The following ABCA2 variants were observed in gnomAD, a reference collection of about 807,000 sequenced individuals.
ABCA2 encodes ATP binding cassette subfamily A member 2, also known as ATP-binding cassette sub-family A member 2.
Under a neutral mutation model 262.8 loss-of-function variants are expected in ABCA2, and 84 were observed. The ratio of observed to expected loss-of-function variants is 0.32; its 90% CI spans 0.27 to 0.38. The LOEUF (loss-of-function observed/expected upper bound fraction) is 0.38, where lower values mean the gene tolerates loss of function less well. Among genes scored for constraint, ABCA2 ranks in the 10% least tolerant of loss-of-function variants. The probability of loss-of-function intolerance (pLI) is 1.00; values close to 1 mark genes in which losing one functional copy is unlikely to be tolerated. For synonymous variants in ABCA2, 1,696 were observed against 1,502.9 expected (o/e 1.13, Z -2.97); for missense variants, 2,662 against 3,405.9 (o/e 0.78, Z 5.44).
rs376937660 is a variant in ABCA2 at position 137,012,714 on chromosome 9, G to T, written c.5079C>A (p.His1693Gln). Residue 1693 changes from histidine to glutamine, a missense_variant and splice_region_variant, in exon 31 of 49, where the codon CAC (histidine) becomes CAA (glutamine). Physicochemically the swap from His to Gln is conservative, Grantham distance 24. Coordinates refer to ENST00000341511, the MANE Select transcript of ABCA2 (RefSeq NM_001606.5). ...CACAGCCTCCCCACCCAGCTCACCG[G>T]TGCAGTCGGAAGCGGTCGGAGGTGA... ...LLFTSDRFRL[H>Q]RYGAITFGNV... The T allele has an allele frequency of 1.2e-6, 2 of 1,612,326 alleles. No individual in the cohort carries two copies. The highest frequency in any genetic ancestry group is 2.7e-5 in the African/African-American group (2 of 74,924).
intron 1 of ABCA2, chr9:137,027,707 CCCAGGCCTGCCTTCTGTCCTGGGAA>C (rs1831698495): frequency 6.6e-6 from 1 of 152,266 alleles, no homozygotes; most frequent in Non-Finnish European, 1.5e-5. Context: ...AATGGAGCCC[CCCAGGCCTGCCTTCTGTCCTGGGAA>C]CCAGGGCCTC....
rs745624569 is a variant in ABCA2 at position 137,011,370 on chromosome 9, A to C, written c.5799+37T>G. On this transcript the variant is annotated intron_variant, in intron 37 of 48. Transcript: ENST00000341511. This position sits in a 1 kb window ranked among gnomAD's most constrained non-coding sequence, Gnocchi z 8.8. Reference sequence around the variant, plus strand: ...CCGGGGTGAGGGGCACAGCCTCCGCAGGGTCCGCCACCCCCACCATGTCGT... The same window carrying C: ...CCGGGGTGAGGGGCACAGCCTCCGCCGGGTCCGCCACCCCCACCATGTCGT... The C allele has an allele frequency of 2.5e-6, 4 of 1,606,796 alleles. No homozygotes were observed. The South Asian group carries it at 4.4e-5, about 18-fold the overall frequency.
intron 48 of ABCA2, 127 bp downstream of exon 48, chr9:137,008,289 C>T (rs1588503846): frequency 9.0e-7 from 1 of 1,117,310 alleles, no homozygotes; most frequent in Non-Finnish European, 1.3e-6. Context: ...CCACTCTGCC[C>T]CCTTGACCTC....
At chr9:137,023,416 C>T in intron 3 of ABCA2, 1 of 710,594 alleles carries the variant, frequency 1.4e-6, no homozygotes, top group Non-Finnish European at 2.6e-6. Flanking sequence ...AAAGGACCCC[C>T]TCTGGGCAGT....
intron 2 of ABCA2, 47 bp from the exon 3 acceptor site, chr9:137,023,887 T>C (rs765892360): frequency 5.0e-6 from 5 of 996,266 alleles, no homozygotes; most frequent in African/African-American, 3.2e-5. Flanking sequence ...GGGAGGGGGA[T>C]CAAAACAGAA....
Position 137,011,659 on chromosome 9 carries a change from C to G in ABCA2, c.5626G>C (p.Val1876Leu). Residue 1876 changes from valine (V) to leucine (L), a missense_variant, in exon 36 of 49, where the codon GTC becomes CTC. Transcript: ENST00000341511. The surrounding 1 kb of genome is among the most constrained non-coding windows in gnomAD (Gnocchi z 8.8). ...CCATAGAGCAGGAAGAGGGAGAGGA[C>G]GGCAGGGAAGTTGGTGGGCGACGTG... ...AYTSPTNFPAVLSLFLLYGWS... is the reference protein window; with the variant it reads ...AYTSPTNFPALLSLFLLYGWS... The G allele has an allele frequency of 6.4e-7, 1 of 1,554,236 alleles. No individual in the cohort carries two copies. Among genetic ancestry groups the G allele is most frequent in the Non-Finnish European group, 8.7e-7 (1 of 1,149,414 alleles).
chr9:137,016,953 T>C lies in ABCA2; in HGVS notation c.2725A>G (p.Ile909Val), dbSNP rs1831279108. 2.5e-6 allele frequency: 4 copies of C among 1,612,668 alleles called. No individual in the cohort carries two copies. The highest frequency in any genetic ancestry group is 2.5e-6 in the Non-Finnish European group (3 of 1,179,944). Residue 909 changes from isoleucine (I) to valine (V), a missense_variant, in exon 19 of 49, where the codon ATC (isoleucine) becomes GTC (valine). By Grantham distance (29) the Ile-to-Val change is conservative. Around this residue, in one of 12 missense-constraint regions of ABCA2, gnomAD observed 133 missense variants for 150.8 expected, o/e 0.88. Transcript: ENST00000341511. Reference protein sequence around the residue: ...MLMVDAVVYGILTWYIEAVHP... With the variant: ...MLMVDAVVYGVLTWYIEAVHP... ...ACAGCCTCAATGTACCACGTGAGGA[T>C]GCCATAGACCACGGCGTCCACCATC...
Position 137,022,777 on chromosome 9 carries a change from C to G in ABCA2, c.364G>C (p.Glu122Gln). ...PARPSLGSELEALRQHLEALS... is the reference protein window; with the variant it reads ...PARPSLGSELQALRQHLEALS... ...GCCTCCAGATGCTGGCGTAGGGCCT[C>G]GAGCTCTGAGCCCAGGCTGGGCCGC... The change falls in exon 5 of 49, where the codon GAG (glutamate) becomes CAG (glutamine). Residue 122 changes from glutamate to glutamine, a missense_variant. Physicochemically the swap from Glu to Gln is conservative, Grantham distance 29. Transcript: ENST00000341511. 6.2e-7 allele frequency: 1 copy of G among 1,600,518 alleles called. No homozygotes were observed. The highest frequency in any genetic ancestry group is 1.1e-5 in the South Asian group (1 of 88,710).
At position 137,012,547 on chromosome 9, in the gene ABCA2, C is replaced by A. The variant is rs756252284; in HGVS notation, c.5125G>T (p.Ala1709Ser). Residue 1709 changes from alanine to serine, a missense_variant, in exon 32 of 49, where the codon GCC becomes TCC. By Grantham distance (99) the Ala-to-Ser change is moderately conservative. Around this residue, in one of 12 missense-constraint regions of ABCA2, gnomAD observed 602 missense variants for 897.4 expected, o/e 0.67. Transcript: ENST00000341511. Reference sequence around the variant, plus strand: ...GGTGGGGCCCTGGTGCCAAATGAGGCTGGGATGGACTTCAGGACGTTTCCA... The same window carrying A: ...GGTGGGGCCCTGGTGCCAAATGAGGATGGGATGGACTTCAGGACGTTTCCA... Reference protein sequence around the residue: ...TFGNVLKSIPASFGTRAPPMV... With the variant: ...TFGNVLKSIPSSFGTRAPPMV... 2.5e-6 allele frequency: 4 copies of A among 1,612,052 alleles called. No homozygotes were observed. Among genetic ancestry groups the A allele is most frequent in the Non-Finnish European group, 3.4e-6 (4 of 1,179,898 alleles).
Position 137,013,470 on chromosome 9 carries a change from C to T in ABCA2, c.4541G>A (p.Arg1514His), listed in dbSNP as rs371050470. The change falls in exon 29 of 49, where the codon CGC (arginine) becomes CAC (histidine). Residue 1514 changes from arginine to histidine, a missense_variant. Transcript: ENST00000341511. The stretch of plus-strand genomic sequence containing the variant: ...CCGCTGGAGGCCTCACCGGTACTCG[C>T]GGCGCTCCTCGTTGGCGTAGGGGAT... ...NFIPYANEERREYRLRLSPDA... is the reference protein window; with the variant it reads ...NFIPYANEERHEYRLRLSPDA... 147 of 1,605,794 alleles carry T rather than the reference C, an allele frequency of 9.2e-5. No individual in the cohort carries two copies. The highest frequency in any genetic ancestry group is 1.1e-4 in the Non-Finnish European group (133 of 1,177,904).
rs771892027 is a variant in ABCA2 at position 137,011,270 on chromosome 9, G to A, written c.5839C>T (p.Leu1947Phe). 3 of 1,612,462 alleles carry A rather than the reference G, an allele frequency of 1.9e-6. No homozygotes were observed. The highest frequency in any genetic ancestry group is 3.3e-5 in the Admixed American group (2 of 59,990). ...VVNSYLKSCF[L>F]IFPNYNLGHG... The stretch of plus-strand genomic sequence containing the variant: ...CCCAGGTTGTAGTTGGGGAAAATGA[G>A]GAAGCAGCTTTTCAGGTAACTGTTG... The change falls in exon 38 of 49, where the codon CTC becomes TTC. Residue 1947 changes from leucine (L) to phenylalanine (F), a missense_variant. Leu to Phe is a conservative substitution (Grantham distance 22). This residue lies in a region of ABCA2 where 602 missense variants were observed against 897.4 expected (regional missense o/e 0.67). Transcript: ENST00000341511. The surrounding 1 kb of genome is among the most constrained non-coding windows in gnomAD (Gnocchi z 8.8).
rs768159381 is a variant in ABCA2, at chr9:137,020,291, C to T, written c.1425+45G>A. The T allele has an allele frequency of 3.7e-6, 6 of 1,607,252 alleles. No individual in the cohort carries two copies. In the Admixed American group the frequency reaches 1.0e-4, roughly 27 times the overall value. On this transcript the variant is annotated intron_variant, in intron 10 of 48. Transcript: ENST00000341511. ...GGGGTCCCAGGCCTGCAGAGACCCCCTCCCACTCTGCCTGTCAAACATGGA... is the reference window on the plus strand; with the variant it reads ...GGGGTCCCAGGCCTGCAGAGACCCCTTCCCACTCTGCCTGTCAAACATGGA...
chr9:137,022,075 G>A (rs1254263341), intron 6 of ABCA2, 74 bp from the exon 7 acceptor site: 4 of 894,870 alleles, frequency 4.5e-6, no homozygotes, highest in Middle Eastern at 3.3e-4. Flanking sequence ...TGGCTCCGAT[G>A]GACGTGTGGG....
upstream of ABCA2, chr9:137,028,601 A>T: frequency 3.0e-6 from 3 of 1,015,396 alleles, no homozygotes; most frequent in Non-Finnish European, 3.7e-6. This position sits in a 1 kb window ranked among gnomAD's most constrained non-coding sequence, Gnocchi z 6.9. Context: ...GAGGCGCCCC[A>T]AGCCTTCACT....
rs754770477 is a variant in ABCA2 at position 137,012,514 on chromosome 9, G to A, written c.5158C>T (p.Arg1720Trp). The change falls in exon 32 of 49, where the codon CGG (arginine) becomes TGG (tryptophan). Residue 1720 changes from arginine to tryptophan, a missense_variant. Coordinates refer to ENST00000341511, the MANE Select transcript of ABCA2 (RefSeq NM_001606.5). ...SFGTRAPPMV[R>W]KIAVRRAAQV... Reference sequence around the variant, plus strand: ...GCAGCCCTGCGCACCGCGATCTTCCGCACCATGGGTGGGGCCCTGGTGCCA... The same window carrying A: ...GCAGCCCTGCGCACCGCGATCTTCCACACCATGGGTGGGGCCCTGGTGCCA... The A allele has an allele frequency of 3.7e-6, 6 of 1,611,810 alleles. No individual in the cohort carries two copies. The highest frequency in any genetic ancestry group is 3.4e-6 in the Non-Finnish European group (4 of 1,179,866).
Position 137,014,951 on chromosome 9 carries a change from C to A in ABCA2, c.3844G>T (p.Glu1282Ter). ...STELSYILPS[E>*]AAKKGAFERL... Reference sequence around the variant, plus strand: ...TCGAAAGCCCCCTTCTTGGCGGCCTCGCTGGGCAGGATGTAGGAGAGCTCC... The same window carrying A: ...TCGAAAGCCCCCTTCTTGGCGGCCTAGCTGGGCAGGATGTAGGAGAGCTCC... The change falls in exon 25 of 49, where the codon GAG becomes TAG. Residue 1282 changes from glutamate to a stop codon, truncating the protein, a stop_gained. Transcript: ENST00000341511. LOFTEE classifies it high-confidence loss of function. The A allele has an allele frequency of 6.4e-7, 1 of 1,566,432 alleles. No homozygotes were observed.
chr9:137,028,001 G>C lies in ABCA2; in HGVS notation c.66+74C>G. On this transcript the variant is annotated intron_variant, in intron 1 of 48. Coordinates refer to ENST00000341511, the MANE Select transcript of ABCA2 (RefSeq NM_001606.5). The surrounding 1 kb of genome is among the most constrained non-coding windows in gnomAD (Gnocchi z 6.9). Reference sequence around the variant, plus strand: ...TGCGCGCGCCCGGCCGTCCGCACGTGCGCGCGGGGAGCGCGCCTCTGGCCG... The same window carrying C: ...TGCGCGCGCCCGGCCGTCCGCACGTCCGCGCGGGGAGCGCGCCTCTGGCCG... 2.3e-6 allele frequency: 2 copies of C among 853,448 alleles called. No homozygotes were observed. Among genetic ancestry groups the C allele is most frequent in the African/African-American group, 1.8e-5 (1 of 54,096 alleles). The allele number at this position is 853,448 out of a possible 1,614,324, so 52.9% of individuals were successfully genotyped here. A position where few individuals can be genotyped will look rare whatever the true frequency, so the allele number is the denominator to read the frequency against.
chr9:137,010,826 G>A lies in ABCA2; in HGVS notation c.6057-89C>T, dbSNP rs965349135. The A allele has an allele frequency of 3.3e-5, 49 of 1,475,186 alleles. No homozygotes were observed. The African/African-American group carries it at 5.6e-4, about 17-fold the overall frequency. The allele number at this position is 1,475,186 out of a possible 1,614,324, so 91.4% of individuals were successfully genotyped here. A position where few individuals can be genotyped will look rare whatever the true frequency, so the allele number is the denominator to read the frequency against. ...GCCTCGCATCCTCTGGCTGTGGCAT[G>A]TAAGAAGGGTGGGCAGGCCCCTCTG... On this transcript the variant is annotated intron_variant, in intron 39 of 48. Coordinates refer to ENST00000341511, the MANE Select transcript of ABCA2 (RefSeq NM_001606.5).
At chr9:137,018,114 T>A in intron 14 of ABCA2, 39 bp from the exon 15 acceptor site, 1 of 1,609,980 alleles carries the variant, frequency 6.2e-7, no homozygotes, top group Non-Finnish European at 8.5e-7. Context: ...GGGCAGGCCC[T>A]CTCGTCCTCA....
Sources: allele counts gnomAD v4.1 joint callset, GRCh38; gene constraint gnomAD v4.1.1; regional missense constraint gnomAD v4.1.1; non-coding constraint Gnocchi (gnomAD v3.1); transcripts MANE v1.5; gene names NCBI Gene and HGNC (gene_info 2026-07-23, HGNC 2026-07-21).